Variants in ARNT2 observed in about 807,000 individuals in gnomAD.
The protein encoded by ARNT2 is ARNT protein 2.
Under a neutral mutation model 91.7 loss-of-function variants are expected in ARNT2, and 36 were observed. That is an observed-to-expected ratio of 0.39 (90% CI 0.30 to 0.52). The LOEUF is 0.52. ARNT2 is among the 20% of genes least tolerant of loss of function. The pLI is 0.72. For synonymous variants in ARNT2, 365 were observed against 347.1 expected (o/e 1.05, Z -0.57); for missense variants, 775 against 939.3 (o/e 0.83, Z 2.29).
chr15:80,538,985 A>G (rs1217136024), intron 8 of ARNT2, among the ~76,000 whole-genome samples: 1 of 152,172 alleles, frequency 6.6e-6, no homozygotes, highest in East Asian at 1.9e-4. Context: ...CCTGGAAGGA[A>G]GGAAGTAACC....
rs531681512 is a variant in ARNT2, at chr15:80,557,982, C to T, written c.1164+2843C>T. On this transcript the variant is annotated intron_variant, in intron 11 of 18. Coordinates refer to ENST00000303329, the MANE Select transcript of ARNT2 (RefSeq NM_014862.4). The stretch of plus-strand genomic sequence containing the variant: ...CTTCATGCTGTATGTATACCTGGCC[C>T]CGTCTCATCCTCATGTGGACACTAC... Among the ~76,000 whole-genome samples the T allele has an allele frequency of 7.2e-5, 11 of 152,304 alleles. No individual in the cohort carries two copies. In the South Asian group the frequency reaches 1.9e-3, roughly 26 times the overall value.
intron 18 of ARNT2, among the ~76,000 whole-genome samples, chr15:80,592,675 G>C (rs1475058966): frequency 6.6e-6 from 1 of 152,184 alleles, no homozygotes; most frequent in Non-Finnish European, 1.5e-5. Context: ...ACAGGGGAAC[G>C]GCTCACCCAG....
At chr15:80,472,435 C>A (rs558341681) in intron 4 of ARNT2, among the ~76,000 whole-genome samples, 178 of 152,248 alleles carry the variant, frequency 1.2e-3, no homozygotes, top group Non-Finnish European at 1.9e-3. Flanking sequence ...ATTTATTCTG[C>A]TAGAGCCGAG....
intron 1 of ARNT2, among the ~76,000 whole-genome samples, chr15:80,421,528 A>G (rs1895861759): frequency 6.6e-6 from 1 of 152,208 alleles, no homozygotes; most frequent in Non-Finnish European, 1.5e-5. Flanking sequence ...GGTACAAAGA[A>G]AGTCATTTTT....
At chr15:80,458,067 G>GA in intron 3 of ARNT2, 91 bp downstream of exon 3, 4 of 1,388,268 alleles carry the variant, frequency 2.9e-6, no homozygotes, top group African/African-American at 1.4e-5. Flanking sequence ...TTTTGTCATT[G>GA]CAAAAGCCAT....
At chr15:80,410,835 TGTC>T (rs1243915784) in intron 1 of ARNT2, among the ~76,000 whole-genome samples, 2 of 151,550 alleles carry the variant, frequency 1.3e-5, no homozygotes, top group African/African-American at 4.9e-5. Flanking sequence ...ACCTATCATC[TGTC>T]TACCATCTCT....
At chr15:80,407,486 T>C (rs1293268369) in intron 1 of ARNT2, among the ~76,000 whole-genome samples, 1 of 152,218 alleles carries the variant, frequency 6.6e-6, no homozygotes, top group East Asian at 1.9e-4. Context: ...GAAGAAAGGA[T>C]TGGGCTCCCA....
intron 6 of ARNT2, among the ~76,000 whole-genome samples, chr15:80,512,823 G>C (rs769789609): frequency 2.6e-5 from 4 of 152,188 alleles, no homozygotes; most frequent in African/African-American, 4.8e-5. Flanking sequence ...TCCAGGGAGC[G>C]TGATATTGGT....
intron 5 of ARNT2, among the ~76,000 whole-genome samples, chr15:80,504,029 T>A (rs181071108): frequency 2.0e-5 from 3 of 152,188 alleles, no homozygotes; most frequent in African/African-American, 7.2e-5. Context: ...GAGAGCACAA[T>A]ATGCTGCAGA....
chr15:80,479,666 G>A (rs1367975574), intron 5 of ARNT2, among the ~76,000 whole-genome samples: 1 of 152,148 alleles, frequency 6.6e-6, no homozygotes, highest in Non-Finnish European at 1.5e-5. Flanking sequence ...ATGAAATGGA[G>A]GCAGATTGGA....
intron 8 of ARNT2, among the ~76,000 whole-genome samples, chr15:80,529,482 T>A (rs976637912): frequency 7.2e-5 from 11 of 152,154 alleles, no homozygotes; most frequent in Non-Finnish European, 1.3e-4. Flanking sequence ...TTTTATTATT[T>A]TTTTTCTAGA....
rs1896714199 is a variant in ARNT2, at chr15:80,470,227, T to C, written c.204T>C (p.His68=). Reference sequence around the variant, plus strand: ...CGTGCTTTCTGGAAAGAGAGAATCATAGTGAAATCGAAAGGCGCAGACGGA... The same window carrying C: ...CGTGCTTTCTGGAAAGAGAGAATCACAGTGAAATCGAAAGGCGCAGACGGA... ...EGPSKFSREN[H]SEIERRRRNK... is the part of the protein sequence containing the mutation. Residue 68 remains histidine, a synonymous_variant, in exon 4 of 19, where the codon CAT becomes CAC. Transcript: ENST00000303329. The C allele has an allele frequency of 1.2e-6, 2 of 1,613,918 alleles. No individual in the cohort carries two copies. Among genetic ancestry groups the C allele is most frequent in the South Asian group, 1.1e-5 (1 of 91,008 alleles).
chr15:80,439,193 A>G (rs1448951334), intron 1 of ARNT2, among the ~76,000 whole-genome samples: 2 of 152,140 alleles, frequency 1.3e-5, no homozygotes, highest in African/African-American at 4.8e-5. Context: ...GTACATCTAG[A>G]ATGCAGATTT....
At position 80,524,102 on chromosome 15, in the gene ARNT2, G is replaced by A. The variant is rs540126855; in HGVS notation, c.877+9697G>A. Among the ~76,000 whole-genome samples, 710 of 152,250 alleles carry A rather than the reference G, an allele frequency of 4.7e-3. 5 individuals are homozygous for A. Among genetic ancestry groups the A allele is most frequent in the Middle Eastern group, 0.02 (6 of 294 alleles). On this transcript the variant is annotated intron_variant, in intron 8 of 18. Coordinates refer to ENST00000303329, the MANE Select transcript of ARNT2 (RefSeq NM_014862.4). ...AACTTAATAGGGAGAAATGAGCAAA[G>A]GCAATGAACAGGGTGCTAAAAAATG...
At chr15:80,550,894 C>A (rs1433981203) in intron 8 of ARNT2, among the ~76,000 whole-genome samples, 1 of 152,224 alleles carries the variant, frequency 6.6e-6, no homozygotes, top group Non-Finnish European at 1.5e-5. Flanking sequence ...ACTGAAATAT[C>A]CTAAATAAAT....
rs1304578984 is a variant in ARNT2 at position 80,578,464 on chromosome 15, C to T, written c.1613+1499C>T. 3.3e-5 allele frequency among the ~76,000 whole-genome samples: 5 copies of T among 151,190 alleles called. No homozygotes were observed. The East Asian group carries it at 1.0e-3, about 31-fold the overall frequency. On this transcript the variant is annotated intron_variant, in intron 15 of 18. Transcript: ENST00000303329. ...GGCTCTGCACCTCACACTGGACTGT[C>T]TGCCCTGAGCTGTGTCTGCAGCAGC...
At chr15:80,580,593 G>T in intron 16 of ARNT2, 44 bp downstream of exon 16, 1 of 1,611,912 alleles carries the variant, frequency 6.2e-7, no homozygotes, top group Admixed American at 1.7e-5. Context: ...GACCAGAGAG[G>T]CAGAGCACTC....
intron 5 of ARNT2, among the ~76,000 whole-genome samples, chr15:80,499,781 A>G (rs1172231912): frequency 6.6e-6 from 1 of 152,176 alleles, no homozygotes; most frequent in East Asian, 1.9e-4. Context: ...ACCAATCACT[A>G]TGGCGAGGGA....
intron 11 of ARNT2, among the ~76,000 whole-genome samples, chr15:80,557,784 C>G (rs78813800): frequency 6.6e-6 from 1 of 152,158 alleles, no homozygotes; most frequent in Non-Finnish European, 1.5e-5. Context: ...CCCCCTGAAC[C>G]AGATCACCCC....
Sources: allele counts gnomAD v4.1 joint callset (sites outside exome capture counted in the v4.1 genomes callset), GRCh38; gene constraint gnomAD v4.1.1; transcripts MANE v1.5; gene names NCBI Gene and HGNC (gene_info 2026-07-23, HGNC 2026-07-21).